The following AKNAD1 variants were observed in gnomAD, a reference collection of about 807,000 sequenced individuals.
AKNAD1 encodes protein AKNAD1.
A neutral mutation model predicts 90.8 loss-of-function variants in AKNAD1; 67 were observed. That is an observed-to-expected ratio of 0.74 (90% CI 0.61 to 0.90). AKNAD1 has a LOEUF of 0.90. Ranked by LOEUF, AKNAD1 falls within the 40% of genes least tolerant of loss-of-function variation. The pLI is 0.00. For missense variants in AKNAD1, 957 were observed against 975.4 expected (o/e 0.98, Z 0.25); for synonymous variants, 327 against 341.4 (o/e 0.96, Z 0.46).
intron 14 of AKNAD1, among the ~76,000 whole-genome samples, chr1:108,818,379 G>T (rs1313337482): frequency 6.6e-6 from 1 of 152,168 alleles, no homozygotes; most frequent in African/African-American, 2.4e-5. Flanking sequence ...CTCCAGGCAA[G>T]AGGTGGTCCA....
At chr1:108,846,238 C>T (rs1228386595) in intron 5 of AKNAD1, among the ~76,000 whole-genome samples, 1 of 152,150 alleles carries the variant, frequency 6.6e-6, no homozygotes, top group Non-Finnish European at 1.5e-5. Context: ...CTGGAAGTCC[C>T]AGACCACAGG....
chr1:108,851,657 G>T lies in AKNAD1; in HGVS notation c.993+15C>A. On this transcript the variant is annotated intron_variant, in intron 2 of 15. Transcript: ENST00000370001. ...GGTCCCAATTAATGTGTTTACAGGA[G>T]ACTGTTTCATTTACCTGGATTTGTT... 1 of 1,565,888 alleles carries T rather than the reference G, an allele frequency of 6.4e-7. No homozygotes were observed.
At chr1:108,824,299 C>A (rs891564454) in intron 11 of AKNAD1, among the ~76,000 whole-genome samples, 4 of 152,096 alleles carry the variant, frequency 2.6e-5, no homozygotes, top group African/African-American at 9.7e-5. Flanking sequence ...TGGGGCCAGG[C>A]GGGTGAGCAT....
chr1:108,831,285 T>C (rs1029908486), intron 9 of AKNAD1, among the ~76,000 whole-genome samples: 5 of 152,214 alleles, frequency 3.3e-5, no homozygotes, highest in African/African-American at 9.6e-5. Flanking sequence ...AAAAAATAAA[T>C]GTACTTTTCC....
At chr1:108,841,736 C>T (rs1157774284) in intron 6 of AKNAD1, among the ~76,000 whole-genome samples, 1 of 152,116 alleles carries the variant, frequency 6.6e-6, no homozygotes, top group Non-Finnish European at 1.5e-5. Flanking sequence ...GGATTCTGTT[C>T]CTTGTCACAT....
intron 14 of AKNAD1, among the ~76,000 whole-genome samples, chr1:108,819,923 A>C (rs867545451): frequency 0.036 from 5,278 of 147,208 alleles, 171 homozygotes; most frequent in African/African-American, 0.073. Flanking sequence ...TAACAGCAAA[A>C]AAAAAAAAAA....
intron 5 of AKNAD1, among the ~76,000 whole-genome samples, chr1:108,843,887 G>A (rs1371727932): frequency 3.3e-5 from 5 of 152,120 alleles, no homozygotes; most frequent in East Asian, 1.9e-4. Context: ...TAAACTGTGC[G>A]GGTTAGGGGC....
In AKNAD1 at chr1:108,823,569, T is replaced by C. The variant is rs1328858390; in HGVS notation, c.2056A>G (p.Lys686Glu). The C allele has an allele frequency of 1.2e-6, 2 of 1,614,130 alleles. No homozygotes were observed. Among genetic ancestry groups the C allele is most frequent in the Non-Finnish European group, 8.5e-7 (1 of 1,179,984 alleles). ...SRRACRKEPT[K>E]EFHYRYNTPG... ...TGAGGCCCCAGGTGAGTGTTACCTT[T>C]AGTTGGTTCTTTCCTGCAGGCTCTT... The change falls in exon 12 of 16, where the codon AAA (lysine) becomes GAA (glutamate). Residue 686 changes from lysine to glutamate, a missense_variant. Physicochemically the swap from Lys to Glu is moderately conservative, Grantham distance 56. Coordinates refer to ENST00000370001, the MANE Select transcript of AKNAD1 (RefSeq NM_152763.5).
chr1:108,850,141 G>A (rs1664808078), intron 2 of AKNAD1, among the ~76,000 whole-genome samples: 1 of 152,164 alleles, frequency 6.6e-6, no homozygotes, highest in East Asian at 1.9e-4. Context: ...CTGGCTAATT[G>A]AACAGTTTAA....
In AKNAD1 at chr1:108,849,549, C is replaced by T; in HGVS notation, c.1021G>A (p.Glu341Lys). ...AAAACATTAGTACCTGTGAGAAGTT[C>T]TTGGTGGATATGTACTATGGGCTCC... ...QMEPIVHIHQ[E>K]LLTGIESEAS... is the part of the protein sequence containing the mutation. The change falls in exon 3 of 16, where the codon GAA (glutamate) becomes AAA (lysine). Residue 341 changes from glutamate to lysine, a missense_variant. By Grantham distance (56) the Glu-to-Lys change is moderately conservative. Transcript: ENST00000370001. 1 of 1,594,426 alleles carries T rather than the reference C, an allele frequency of 6.3e-7. No individual in the cohort carries two copies. Among genetic ancestry groups the T allele is most frequent in the Non-Finnish European group, 8.6e-7 (1 of 1,162,162 alleles).
At chr1:108,827,416 A>G in intron 10 of AKNAD1, 114 bp from the exon 11 acceptor site, 1 of 751,478 alleles carries the variant, frequency 1.3e-6, no homozygotes, top group Non-Finnish European at 2.3e-6. Context: ...GGAACAGTGT[A>G]GGAGGGGCTT....
intron 5 of AKNAD1, among the ~76,000 whole-genome samples, chr1:108,843,966 T>A (rs937775446): frequency 1.3e-5 from 2 of 152,220 alleles, no homozygotes; most frequent in Admixed American, 6.5e-5. Context: ...GCACTTTCTA[T>A]TTCTGGCCCT....
At chr1:108,830,187 T>C (rs1425498633) in intron 10 of AKNAD1, among the ~76,000 whole-genome samples, 1 of 152,116 alleles carries the variant, frequency 6.6e-6, no homozygotes, top group African/African-American at 2.4e-5. Flanking sequence ...ATCAAAAGCC[T>C]ACAGGACCAC....
chr1:108,852,200 A>G lies in AKNAD1; in HGVS notation c.465T>C (p.Tyr155=). The change falls in exon 2 of 16, where the codon TAT becomes TAC. Residue 155 remains tyrosine (Y), a synonymous_variant. Coordinates refer to ENST00000370001, the MANE Select transcript of AKNAD1 (RefSeq NM_152763.5). ...EAIIKSIISC[Y]NKNSWPKEQT... ...GTTCTTTTGGCCAAGAATTCTTATT[A>G]TAACATGAAATAATACTTTTAATAA... 1 of 1,613,566 alleles carries G rather than the reference A, an allele frequency of 6.2e-7. No homozygotes were observed. Among genetic ancestry groups the G allele is most frequent in the Non-Finnish European group, 8.5e-7 (1 of 1,179,806 alleles).
At chr1:108,847,940 T>C (rs1664746078) in intron 5 of AKNAD1, among the ~76,000 whole-genome samples, 1 of 152,238 alleles carries the variant, frequency 6.6e-6, no homozygotes, top group Non-Finnish European at 1.5e-5. Flanking sequence ...GTACAGGGTC[T>C]GGGACATAGA....
chr1:108,834,341 G>C, intron 9 of AKNAD1, 106 bp downstream of exon 9: 2 of 942,920 alleles, frequency 2.1e-6, no homozygotes, highest in Non-Finnish European at 3.2e-6. Flanking sequence ...GAAGAGGTAA[G>C]TGATCTTGAT....
intron 10 of AKNAD1, 76 bp downstream of exon 10, chr1:108,830,483 G>A (rs1376442141): frequency 2.2e-5 from 31 of 1,412,528 alleles, no homozygotes; most frequent in African/African-American, 7.1e-5. Context: ...GTTAGTTGCC[G>A]CCCACTCTCA....
chr1:108,844,790 T>C (rs191018243), intron 5 of AKNAD1, among the ~76,000 whole-genome samples: 18 of 152,074 alleles, frequency 1.2e-4, no homozygotes, highest in Admixed American at 7.2e-4. Flanking sequence ...GCCAGGACTA[T>C]AGTACATACT....
chr1:108,857,088 G>C lies in AKNAD1; in HGVS notation c.-263C>G, dbSNP rs7551142. ...GTAGAATCCAAATTGATTTTCTGAAGTCAGGTGACTACATTTGGGGCCACG... is the reference window on the plus strand; with the variant it reads ...GTAGAATCCAAATTGATTTTCTGAACTCAGGTGACTACATTTGGGGCCACG... On this transcript the variant is annotated 5_prime_UTR_variant, in exon 1 of 16. Transcript: ENST00000370001. 1 of 152,146 alleles carries C rather than the reference G, an allele frequency of 6.6e-6. No individual in the cohort carries two copies. Among genetic ancestry groups the C allele is most frequent in the African/African-American group, 2.4e-5 (1 of 41,428 alleles). 9.4% of individuals were successfully genotyped at this position (152,146 alleles called of 1,614,324 possible).
Sources: gnomAD v4.1 joint callset for allele counts (sites outside exome capture counted in the v4.1 genomes callset) on GRCh38, gnomAD v4.1.1 for gene constraint, MANE v1.5 for transcripts, NCBI Gene and HGNC (gene_info 2026-07-23, HGNC 2026-07-21) for gene names.